CYFIP1: variants seen among roughly 807,000 people sequenced by gnomAD.
CYFIP1 encodes the protein cytoplasmic FMR1-interacting protein 1.
Under a neutral mutation model 163.5 loss-of-function variants are expected in CYFIP1, and 58 were observed. The observed-to-expected ratio is 0.35, with a 90% CI of 0.29 to 0.44. The LOEUF (loss-of-function observed/expected upper bound fraction) is 0.44, where lower values mean the gene tolerates loss of function less well. Ranked by LOEUF, CYFIP1 falls within the 20% of genes least tolerant of loss-of-function variation. The pLI is 1.00. For missense variants in CYFIP1, 1,338 were observed against 1,653.8 expected (o/e 0.81, Z 3.31); for synonymous variants, 663 against 660.7 (o/e 1.00, Z -0.05).
In CYFIP1 at chr15:22,927,699, T is replaced by C. The variant is rs552205737; in HGVS notation, c.1233+207A>G. Reference sequence around the variant, plus strand: ...AAAATCACAATGGTACAAATTTAATTCTATCAAGATTTTTTTTAAAAAGGA... The same window carrying C: ...AAAATCACAATGGTACAAATTTAATCCTATCAAGATTTTTTTTAAAAAGGA... On this transcript the variant is annotated intron_variant, in intron 12 of 30. Coordinates refer to ENST00000617928, the MANE Select transcript of CYFIP1 (RefSeq NM_014608.6). 1.4e-4 allele frequency among the ~76,000 whole-genome samples: 21 copies of C among 150,326 alleles called. No individual in the cohort carries two copies. In the South Asian group the frequency reaches 4.4e-3, roughly 31 times the overall value.
At chr15:22,936,005 C>A (rs1258619989) in intron 9 of CYFIP1, among the ~76,000 whole-genome samples, 2 of 152,252 alleles carry the variant, frequency 1.3e-5, no homozygotes, top group Admixed American at 1.3e-4. Context: ...GGTGCAGTGG[C>A]TCAGGCCTGT....
At position 22,949,381 on chromosome 15, in the gene CYFIP1, G is replaced by A. The variant is rs868460620; in HGVS notation, c.-6-2090C>T. The stretch of plus-strand genomic sequence containing the variant: ...AAGATGGGAACGTGTCTTCCAGGAA[G>A]GAAGGTGAAGCCAGGACGTGGGCAG... On this transcript the variant is annotated intron_variant, in intron 1 of 30. Coordinates refer to ENST00000617928, the MANE Select transcript of CYFIP1 (RefSeq NM_014608.6). Among the ~76,000 whole-genome samples, 2 of 152,324 alleles carry A rather than the reference G, an allele frequency of 1.3e-5. 1 individual carries two copies. Among genetic ancestry groups the A allele is most frequent in the South Asian group, 4.1e-4 (2 of 4,828 alleles).
intron 1 of CYFIP1, among the ~76,000 whole-genome samples, chr15:22,957,432 C>G (rs551210915): frequency 6.6e-6 from 1 of 152,142 alleles, no homozygotes; most frequent in South Asian, 2.1e-4. Flanking sequence ...GTCAGGAGAT[C>G]AAGACCATCC....
intron 23 of CYFIP1, among the ~76,000 whole-genome samples, chr15:22,888,858 T>G (rs556616276): frequency 6.6e-6 from 1 of 151,948 alleles, no homozygotes; most frequent in South Asian, 2.1e-4. Context: ...CTGGCTAACA[T>G]GGTGAAACCC....
chr15:22,947,725 G>A (rs1158885464), intron 1 of CYFIP1, among the ~76,000 whole-genome samples: 1 of 152,182 alleles, frequency 6.6e-6, no homozygotes, highest in Non-Finnish European at 1.5e-5. Context: ...CCTCCCAGGT[G>A]GTGCCTCCAA....
intron 1 of CYFIP1, among the ~76,000 whole-genome samples, chr15:22,971,750 G>T (rs1298002989): frequency 6.6e-6 from 1 of 151,924 alleles, no homozygotes; most frequent in East Asian, 1.9e-4. Context: ...CACACCTGTA[G>T]TCCCAGACAC....
chr15:22,904,009 TGCACGGAGGCAGCCCCC>T, intron 21 of CYFIP1, 104 bp from the exon 22 acceptor site: 1 of 1,079,848 alleles, frequency 9.3e-7, no homozygotes, highest in South Asian at 1.4e-5. Context: ...CTGGCAGGGC[TGCACGGAGGCAGCCCCC>T]AGTGAGCGTA....
intron 22 of CYFIP1, among the ~76,000 whole-genome samples, chr15:22,894,554 T>C (rs1023976542): frequency 6.6e-6 from 1 of 151,436 alleles, no homozygotes; most frequent in Admixed American, 6.6e-5. Flanking sequence ...CCTCCCGAAG[T>C]GCTGGGATTA....
rs1381104093 is a variant in CYFIP1 at position 22,867,557 on chromosome 15, A to G, written c.*2471T>C. On this transcript the variant is annotated 3_prime_UTR_variant, in exon 31 of 31. Coordinates refer to ENST00000617928, the MANE Select transcript of CYFIP1 (RefSeq NM_014608.6). Reference sequence around the variant, plus strand: ...TTTATTCTTCAGTTACCCTAATCCCATGATGCCTGGAACCTTGATTACCGT... The same window carrying G: ...TTTATTCTTCAGTTACCCTAATCCCGTGATGCCTGGAACCTTGATTACCGT... 9.4e-6 allele frequency: 2 copies of G among 212,554 alleles called. No homozygotes were observed. Among genetic ancestry groups the G allele is most frequent in the Admixed American group, 1.2e-4 (2 of 17,198 alleles). 13.2% of individuals were successfully genotyped at this position (212,554 alleles called of 1,614,324 possible).
chr15:22,917,043 G>A lies in CYFIP1; in HGVS notation c.1675-413C>T. On this transcript the variant is annotated intron_variant, in intron 15 of 30. Coordinates refer to ENST00000617928, the MANE Select transcript of CYFIP1 (RefSeq NM_014608.6). The surrounding 1 kb of genome is among the most constrained non-coding windows in gnomAD (Gnocchi z 4.2). ...CACCAGGTAGAGCTAGACACGGACA[G>A]ACAGGAGGGAGAGGCAGGAGAGAGA... 6.5e-7 allele frequency: 1 copy of A among 1,526,926 alleles called. No individual in the cohort carries two copies. Among genetic ancestry groups the A allele is most frequent in the Non-Finnish European group, 8.8e-7 (1 of 1,135,422 alleles). The allele number at this position is 1,526,926 out of a possible 1,614,324, so 94.6% of individuals were successfully genotyped here. A position where few individuals can be genotyped will look rare whatever the true frequency, so the allele number is the denominator to read the frequency against.
rs982333901 is a variant in CYFIP1 at position 22,903,785 on chromosome 15, C to T, written c.2509G>A (p.Gly837Arg). 28 of 1,614,062 alleles carry T rather than the reference C, an allele frequency of 1.7e-5. No individual in the cohort carries two copies. Among genetic ancestry groups the T allele is most frequent in the African/African-American group, 4.0e-5 (3 of 74,922 alleles). Residue 837 changes from glycine to arginine, a missense_variant, in exon 22 of 31, where the codon GGG (glycine) becomes AGG (arginine). Physicochemically the swap from Gly to Arg is moderately radical, Grantham distance 125. Transcript: ENST00000617928. Reference sequence around the variant, plus strand: ...CAGAAGACGTGCAGGGTGATCCTCCCGTAGGGCGCTGACACGTTGTGGTTG... The same window carrying T: ...CAGAAGACGTGCAGGGTGATCCTCCTGTAGGGCGCTGACACGTTGTGGTTG... ...EANHNVSAPY[G>R]RITLHVFWEL...
chr15:22,894,438 T>C (rs973231970), intron 22 of CYFIP1, among the ~76,000 whole-genome samples: 2 of 151,588 alleles, frequency 1.3e-5, no homozygotes, highest in African/African-American at 4.9e-5. Flanking sequence ...TACAGGCATG[T>C]GCCACCAACG....
At chr15:22,921,784 A>AAAAAAGAC (rs1555409979) in intron 13 of CYFIP1, among the ~76,000 whole-genome samples, 7 of 142,228 alleles carry the variant, frequency 4.9e-5, no homozygotes, top group Non-Finnish European at 6.1e-5. Flanking sequence ...AAAAAAAAAA[A>AAAAAAGAC]AGAAGCACGA....
chr15:22,961,746 G>A (rs945102363), intron 1 of CYFIP1, among the ~76,000 whole-genome samples: 4 of 151,988 alleles, frequency 2.6e-5, no homozygotes, highest in African/African-American at 9.7e-5. Context: ...AAAATCCTTG[G>A]AATCTTGGTA....
At chr15:22,894,993 C>A (rs1355966654) in intron 22 of CYFIP1, among the ~76,000 whole-genome samples, 1 of 149,644 alleles carries the variant, frequency 6.7e-6, no homozygotes, top group Non-Finnish European at 1.5e-5. Flanking sequence ...GTATCTGGGA[C>A]TACAGGTCAC....
At chr15:22,915,312 T>TG (rs1267426316) in intron 16 of CYFIP1, among the ~76,000 whole-genome samples, 1 of 151,924 alleles carries the variant, frequency 6.6e-6, no homozygotes, top group African/African-American at 2.4e-5. Flanking sequence ...TTTATAGAGA[T>TG]GGGGGTCTCG....
intron 1 of CYFIP1, among the ~76,000 whole-genome samples, chr15:22,974,283 A>C (rs2063194630): frequency 1.3e-5 from 2 of 152,184 alleles, no homozygotes; most frequent in Admixed American, 1.3e-4. Context: ...CTAACTGTCC[A>C]TCAACAGATG....
At chr15:22,942,629 T>A (rs2061927190) in intron 6 of CYFIP1, among the ~76,000 whole-genome samples, 1 of 152,158 alleles carries the variant, frequency 6.6e-6, no homozygotes, top group Non-Finnish European at 1.5e-5. Flanking sequence ...AGAAGCTCTC[T>A]ACATCCAGAA....
intron 1 of CYFIP1, among the ~76,000 whole-genome samples, chr15:22,975,537 G>T (rs1264324450): frequency 1.3e-5 from 2 of 151,152 alleles, no homozygotes; most frequent in Admixed American, 1.3e-4. Context: ...GAGGCGGGCA[G>T]ATCACCTGAG....
Sources: gnomAD v4.1 joint callset for allele counts (sites outside exome capture counted in the v4.1 genomes callset) on GRCh38, gnomAD v4.1.1 for gene constraint, Gnocchi (gnomAD v3.1) non-coding constraint, MANE v1.5 for transcripts, NCBI Gene and HGNC (gene_info 2026-07-23, HGNC 2026-07-21) for gene names.